Variants in TPRG1 observed in about 807,000 individuals in gnomAD.
The protein encoded by TPRG1 is tumor protein p63-regulated gene 1 protein.
In TPRG1, 29 loss-of-function variants were observed where a neutral mutation model predicts 29.3. That is an observed-to-expected ratio of 0.99 (90% CI 0.74 to 1.35). TPRG1 has a LOEUF of 1.35. Among genes scored for constraint, TPRG1 ranks in the 40% most tolerant of loss-of-function variants. The pLI, the probability that TPRG1 is intolerant of heterozygous loss-of-function variation, is 0.00. For synonymous variants in TPRG1, 130 were observed against 116.8 expected (o/e 1.11, Z -0.73); for missense variants, 327 against 335.0 (o/e 0.98, Z 0.19).
chr3:189,172,164 G>A (rs1728890036), intron 1 of TPRG1, 33 bp downstream of exon 1: 1 of 152,238 alleles, frequency 6.6e-6, no homozygotes, highest in African/African-American at 2.4e-5. Flanking sequence ...TGGTTCTGCA[G>A]AGATGGGTTA....
intron 3 of TPRG1, among the ~76,000 whole-genome samples, chr3:189,019,178 C>A (rs1242314734): frequency 4.6e-5 from 7 of 151,150 alleles, no homozygotes; most frequent in Middle Eastern, 3.2e-3. Context: ...CGTCTGCAAA[C>A]AGGGACAATT....
chr3:189,072,946 T>C (rs1251139733), intron 4 of TPRG1, among the ~76,000 whole-genome samples: 1 of 152,188 alleles, frequency 6.6e-6, no homozygotes, highest in East Asian at 1.9e-4. Flanking sequence ...CTGTGTATTG[T>C]TATATGCTTC....
intron 1 of TPRG1, among the ~76,000 whole-genome samples, chr3:189,199,739 G>A (rs1163053693): frequency 2.6e-5 from 4 of 152,226 alleles, no homozygotes; most frequent in African/African-American, 9.6e-5. Context: ...TACTCAGGAG[G>A]CTGATGCAGG....
chr3:189,161,046 G>A (rs999870910), intron 5 of TPRG1, among the ~76,000 whole-genome samples: 1 of 152,204 alleles, frequency 6.6e-6, no homozygotes, highest in Non-Finnish European at 1.5e-5. Context: ...TTCCTTCCTT[G>A]TGATAAGATT....
intron 4 of TPRG1, among the ~76,000 whole-genome samples, chr3:189,092,034 C>T (rs1417516364): frequency 6.6e-6 from 1 of 152,040 alleles, no homozygotes; most frequent in African/African-American, 2.4e-5. Context: ...TTATTTTCTC[C>T]TGATATGTAG....
chr3:189,300,922 T>C (rs1204356993), intron 4 of TPRG1, among the ~76,000 whole-genome samples: 1 of 152,198 alleles, frequency 6.6e-6, no homozygotes, highest in Non-Finnish European at 1.5e-5. Flanking sequence ...TCTCACTAGT[T>C]CTGTGCCTTT....
exon 5 of TPRG1, chr3:189,150,733 A>G (rs1725840436): frequency 6.6e-6 from 1 of 152,086 alleles, no homozygotes; most frequent in Non-Finnish European, 1.5e-5. Context: ...GGTCACATTG[A>G]TTTTCTGGAA....
chr3:189,268,293 G>A (rs887670392), intron 4 of TPRG1, among the ~76,000 whole-genome samples: 1 of 152,168 alleles, frequency 6.6e-6, no homozygotes, highest in Admixed American at 6.5e-5. Flanking sequence ...AGGGAGGCAT[G>A]TTGACAAGGA....
Position 189,275,647 on chromosome 3 carries a change from T to C in TPRG1, c.480-34739T>C, listed in dbSNP as rs146980593. On this transcript the variant is annotated intron_variant, in intron 4 of 5. Transcript: ENST00000345063. ...TTTTGCTTGAATATAATGAAGGTATTGTGGATGTGATAAAGTTAGAGATTG... is the reference window on the plus strand; with the variant it reads ...TTTTGCTTGAATATAATGAAGGTATCGTGGATGTGATAAAGTTAGAGATTG... Among the ~76,000 whole-genome samples, 798 of 152,102 alleles carry C rather than the reference T, an allele frequency of 5.2e-3. 4 individuals are homozygous for C. The highest frequency in any genetic ancestry group is 0.018 in the African/African-American group (753 of 41,496).
chr3:189,209,658 A>G (rs1233084587), intron 2 of TPRG1, among the ~76,000 whole-genome samples: 2 of 152,228 alleles, frequency 1.3e-5, no homozygotes, highest in Non-Finnish European at 2.9e-5. Flanking sequence ...GGCTGCAGCT[A>G]GATTCCGGGT....
At chr3:189,285,147 T>A (rs1717841512) in intron 4 of TPRG1, among the ~76,000 whole-genome samples, 1 of 152,220 alleles carries the variant, frequency 6.6e-6, no homozygotes, top group South Asian at 2.1e-4. Flanking sequence ...AACAGCCACT[T>A]CTCAAAAGAA....
chr3:189,201,082 C>T (rs1030560121), intron 1 of TPRG1, among the ~76,000 whole-genome samples: 7 of 152,164 alleles, frequency 4.6e-5, no homozygotes, highest in Non-Finnish European at 1.0e-4. Flanking sequence ...AGCAGAGACC[C>T]GCACCAGACA....
chr3:189,303,454 A>T (rs944349165), intron 4 of TPRG1, among the ~76,000 whole-genome samples: 3 of 152,126 alleles, frequency 2.0e-5, no homozygotes, highest in African/African-American at 7.2e-5. Flanking sequence ...TCTTTATTTT[A>T]TAAGGAGGGA....
chr3:189,244,840 G>T (rs1445513830), intron 4 of TPRG1, among the ~76,000 whole-genome samples: 1 of 152,092 alleles, frequency 6.6e-6, no homozygotes, highest in Non-Finnish European at 1.5e-5. Context: ...AATTCTGTTG[G>T]TTTTTAACAA....
intron 1 of TPRG1, among the ~76,000 whole-genome samples, chr3:189,113,767 G>A (rs1250436130): frequency 6.6e-6 from 1 of 151,546 alleles, no homozygotes; most frequent in Non-Finnish European, 1.5e-5. Context: ...GGGGACTGTT[G>A]TGGGGTGGGG....
intron 3 of TPRG1, chr3:189,219,856 T>C (rs1736682221): frequency 1.3e-6 from 1 of 751,842 alleles, no homozygotes; most frequent in African/African-American, 1.9e-5. Flanking sequence ...AAAAGATACT[T>C]AAAATATGTT....
intron 4 of TPRG1, among the ~76,000 whole-genome samples, chr3:189,060,041 T>TGA (rs1715998705): frequency 6.6e-6 from 1 of 152,184 alleles, no homozygotes; most frequent in African/African-American, 2.4e-5. Flanking sequence ...GAGACCAACC[T>TGA]GACCAACCTG....
At chr3:189,251,684 G>A (rs1486163599) in intron 4 of TPRG1, among the ~76,000 whole-genome samples, 1 of 152,194 alleles carries the variant, frequency 6.6e-6, no homozygotes, top group Admixed American at 6.5e-5. Flanking sequence ...CTGTGCTTTA[G>A]ATATGCATAC....
chr3:189,264,665 C>CA (rs1264175669), intron 4 of TPRG1, among the ~76,000 whole-genome samples: 1 of 151,920 alleles, frequency 6.6e-6, no homozygotes, highest in African/African-American at 2.4e-5. Context: ...TTCATTTCAC[C>CA]AAAAAGATTT....
Sources: gnomAD v4.1 joint callset for allele counts (sites outside exome capture counted in the v4.1 genomes callset) on GRCh38, gnomAD v4.1.1 for gene constraint, MANE v1.5 for transcripts, NCBI Gene and HGNC (gene_info 2026-07-23, HGNC 2026-07-21) for gene names.